The following LRP1B variants were observed in gnomAD, a reference collection of about 807,000 sequenced individuals.
The protein encoded by LRP1B is LDL receptor related protein 1B.
In LRP1B, 217 loss-of-function variants were observed where a neutral mutation model predicts 556.6. The ratio of observed to expected loss-of-function variants is 0.39; its 90% CI spans 0.35 to 0.44. The LOEUF is 0.44. Among genes scored for constraint, LRP1B ranks in the 20% least tolerant of loss-of-function variants. The probability of loss-of-function intolerance (pLI) is 1.00; values close to 1 mark genes in which losing one functional copy is unlikely to be tolerated. For missense variants in LRP1B, 5,053 were observed against 5,620.8 expected, an observed-to-expected ratio of 0.90 and a Z score of 3.23; for synonymous variants, 2,047 against 1,865.8, an observed-to-expected ratio of 1.10 and a Z score of -2.50.
intron 1 of LRP1B, among the ~76,000 whole-genome samples, chr2:141,943,961 T>A (rs982169794): frequency 6.6e-6 from 1 of 152,140 alleles, no homozygotes; most frequent in Non-Finnish European, 1.5e-5. Context: ...GACCCTCATC[T>A]CCCAGATTGA....
intron 3 of LRP1B, among the ~76,000 whole-genome samples, chr2:141,289,381 C>CAAA (rs34784985): frequency 6.0e-4 from 26 of 43,426 alleles, no homozygotes; most frequent in East Asian, 1.5e-3. Context: ...GACTCCATCT[C>CAAA]AAAAAAAAAA....
chr2:140,825,665 G>T (rs1230584530), intron 31 of LRP1B, among the ~76,000 whole-genome samples: 1 of 152,006 alleles, frequency 6.6e-6, no homozygotes, highest in African/African-American at 2.4e-5. Context: ...CATGTATTTT[G>T]ATGAATTTAG....
At chr2:141,376,295 C>T (rs544362571) in intron 3 of LRP1B, among the ~76,000 whole-genome samples, 1 of 152,228 alleles carries the variant, frequency 6.6e-6, no homozygotes, top group South Asian at 2.1e-4. Flanking sequence ...TCTCCTATAG[C>T]GAAGATCATA....
At position 141,884,426 on chromosome 2, in the gene LRP1B, T is replaced by A. The variant is rs201696113; in HGVS notation, c.83-74025A>T. Among the ~76,000 whole-genome samples the A allele has an allele frequency of 7.2e-5, 11 of 152,220 alleles. No individual in the cohort carries two copies. In the East Asian group the frequency reaches 2.1e-3, roughly 29 times the overall value. ...GATATCAAGGTAATTTTTCTGGATC[T>A]AAGAAATGTTAAAGATCTAAAGAGC... On this transcript the variant is annotated intron_variant, in intron 1 of 90. Coordinates refer to ENST00000389484, the MANE Select transcript of LRP1B (RefSeq NM_018557.3).
rs1689488986 is a variant in LRP1B at position 140,776,114 on chromosome 2, A to T, written c.5484T>A (p.Asp1828Glu). Residue 1828 changes from aspartate to glutamate, a missense_variant, in exon 33 of 91, where the codon GAT (aspartate) becomes GAA (glutamate). Physicochemically the swap from Asp to Glu is conservative, Grantham distance 45. Transcript: ENST00000389484. The stretch of plus-strand genomic sequence containing the variant: ...GTGATTTACCTTGCTGTGCTTCTTT[A>T]TCATAGACTTTCATATGAACTACCC... ...TSGVVHMKVY[D>E]KEAQQGSNSC... 6.4e-7 allele frequency: 1 copy of T among 1,566,568 alleles called. No individual in the cohort carries two copies. Among genetic ancestry groups the T allele is most frequent in the Non-Finnish European group, 8.6e-7 (1 of 1,162,294 alleles).
intron 41 of LRP1B, among the ~76,000 whole-genome samples, chr2:140,637,456 G>T (rs944004778): frequency 6.6e-6 from 1 of 152,104 alleles, no homozygotes; most frequent in Non-Finnish European, 1.5e-5. Context: ...TTTTTCTTTA[G>T]AACTATCTAA....
chr2:141,672,716 A>G (rs1690720690), intron 2 of LRP1B, among the ~76,000 whole-genome samples: 1 of 152,220 alleles, frequency 6.6e-6, no homozygotes, highest in African/African-American at 2.4e-5. Context: ...GATGCCTGAA[A>G]TGTGAAAGTA....
intron 60 of LRP1B, among the ~76,000 whole-genome samples, chr2:140,474,906 T>C (rs1687906479): frequency 6.6e-6 from 1 of 151,840 alleles, no homozygotes; most frequent in African/African-American, 2.4e-5. Context: ...AGAAAATCTA[T>C]TTAGAAAAAT....
chr2:141,535,817 C>CA (rs1459602875), intron 2 of LRP1B, among the ~76,000 whole-genome samples: 7 of 152,200 alleles, frequency 4.6e-5, no homozygotes, highest in Middle Eastern at 3.4e-3. Context: ...AGCACGTCAT[C>CA]AAATCACATT....
intron 3 of LRP1B, among the ~76,000 whole-genome samples, chr2:141,300,260 T>C (rs1358516119): frequency 1.3e-5 from 2 of 152,170 alleles, no homozygotes; most frequent in African/African-American, 4.8e-5. Flanking sequence ...AGACAACTGC[T>C]TTGGAGGTAC....
intron 7 of LRP1B, among the ~76,000 whole-genome samples, chr2:141,138,280 G>A (rs2141919): frequency 0.035 from 5,297 of 151,892 alleles, 144 homozygotes; most frequent in East Asian, 0.16. Context: ...AATAGATAAC[G>A]GGATTTTATA....
intron 2 of LRP1B, among the ~76,000 whole-genome samples, chr2:141,693,589 T>A (rs569893545): frequency 9.9e-5 from 15 of 152,200 alleles, no homozygotes; most frequent in Non-Finnish European, 1.8e-4. Context: ...CTGTGTTGGT[T>A]ACTGAGATGC....
intron 80 of LRP1B, among the ~76,000 whole-genome samples, chr2:140,324,771 TATATTC>T (rs1680370830): frequency 6.6e-6 from 1 of 151,936 alleles, no homozygotes; most frequent in Non-Finnish European, 1.5e-5. Flanking sequence ...AAAGTGTCTT[TATATTC>T]ATATATTTTT....
intron 1 of LRP1B, among the ~76,000 whole-genome samples, chr2:142,033,490 C>T (rs990603680): frequency 6.6e-6 from 1 of 151,524 alleles, no homozygotes; most frequent in Non-Finnish European, 1.5e-5. Context: ...CCTGACTATC[C>T]CCCCACCCTC....
chr2:141,280,981 A>G (rs1685489054), intron 3 of LRP1B, among the ~76,000 whole-genome samples: 1 of 151,960 alleles, frequency 6.6e-6, no homozygotes, highest in African/African-American at 2.4e-5. Context: ...ATCTTATCAT[A>G]ATATTATTCA....
chr2:140,533,973 A>C (rs371051607), intron 47 of LRP1B, 48 bp downstream of exon 47: 1 of 1,604,540 alleles, frequency 6.2e-7, no homozygotes, highest in Non-Finnish European at 8.5e-7. Flanking sequence ...AAAGTTCAGG[A>C]AACACTTAGC....
intron 2 of LRP1B, among the ~76,000 whole-genome samples, chr2:141,739,833 C>T (rs1255292283): frequency 6.6e-6 from 1 of 151,998 alleles, no homozygotes; most frequent in African/African-American, 2.4e-5. Context: ...TTTCTGACTG[C>T]TGAGCAAACC....
intron 3 of LRP1B, among the ~76,000 whole-genome samples, chr2:141,414,312 AAAG>A (rs1573918533): frequency 6.7e-6 from 1 of 150,230 alleles, no homozygotes; most frequent in Non-Finnish European, 1.5e-5. Context: ...AGAAAAGAAA[AAAG>A]AAAGAGATAA....
At chr2:140,302,261 A>C (rs527684889) in intron 83 of LRP1B, among the ~76,000 whole-genome samples, 1 of 152,086 alleles carries the variant, frequency 6.6e-6, no homozygotes, top group African/African-American at 2.4e-5. Context: ...CAATTTTCTG[A>C]TTCTGGGCTC....
Sources: allele counts gnomAD v4.1 joint callset (sites outside exome capture counted in the v4.1 genomes callset), GRCh38; gene constraint gnomAD v4.1.1; transcripts MANE v1.5; gene names NCBI Gene and HGNC (gene_info 2026-07-23, HGNC 2026-07-21).